Variants in COG6 observed in about 807,000 individuals in gnomAD.
COG6 encodes the protein conserved oligomeric Golgi complex subunit 6.
In COG6, 74 loss-of-function variants were observed where a neutral mutation model predicts 88.8. The observed-to-expected ratio is 0.83, with a 90% CI of 0.69 to 1.01. The LOEUF (loss-of-function observed/expected upper bound fraction) is 1.01, where lower values mean the gene tolerates loss of function less well. Among genes scored for constraint, COG6 ranks in the 50% least tolerant of loss-of-function variants. COG6 has a pLI of 0.00. For synonymous variants in COG6, 286 were observed against 278.7 expected (o/e 1.03, Z -0.26); for missense variants, 800 against 797.9 (o/e 1.00, Z -0.03).
chr13:39,655,953 G>A (rs1874459002), intron 1 of COG6, 74 bp downstream of exon 1: 16 of 1,529,506 alleles, frequency 1.0e-5, no homozygotes, highest in Non-Finnish European at 1.3e-5. Context: ...CGTCTGTCAG[G>A]GACCCACCGC....
intron 4 of COG6, among the ~76,000 whole-genome samples, chr13:39,670,143 T>C (rs748931067): frequency 3.9e-5 from 6 of 152,138 alleles, no homozygotes; most frequent in Non-Finnish European, 8.8e-5. Flanking sequence ...GATGCTCTAA[T>C]AGATAAAGCT....
At chr13:39,750,545 G>C (rs1342880861) in intron 18 of COG6, among the ~76,000 whole-genome samples, 3 of 152,164 alleles carry the variant, frequency 2.0e-5, no homozygotes, top group African/African-American at 7.2e-5. Flanking sequence ...AGATAAAAGT[G>C]TTGATAAATT....
At chr13:39,665,284 A>G (rs1170711119) in intron 4 of COG6, 130 bp downstream of exon 4, 8 of 629,466 alleles carry the variant, frequency 1.3e-5, no homozygotes, top group Non-Finnish European at 2.3e-5. Context: ...CTAAACTATT[A>G]TATTACCCAA....
At chr13:39,763,210 C>T (rs1308107130) in intron 18 of COG6, among the ~76,000 whole-genome samples, 1 of 151,674 alleles carries the variant, frequency 6.6e-6, no homozygotes, top group Admixed American at 6.6e-5. Flanking sequence ...TTAGTAGCAA[C>T]CTTGCTAAAT....
intron 16 of COG6, 39 bp downstream of exon 16, chr13:39,723,479 G>A (rs1394349472): frequency 2.5e-6 from 3 of 1,178,578 alleles, no homozygotes; most frequent in African/African-American, 1.5e-5. Context: ...CTAAGAACAT[G>A]CCAGTTTAGA....
intron 18 of COG6, among the ~76,000 whole-genome samples, chr13:39,736,430 C>T (rs538040788): frequency 3.9e-5 from 6 of 152,292 alleles, no homozygotes; most frequent in East Asian, 1.9e-4. Context: ...CAGTGTCTCA[C>T]GCCTGTAATC....
At chr13:39,686,294 A>T (rs973841098) in intron 8 of COG6, among the ~76,000 whole-genome samples, 2 of 152,316 alleles carry the variant, frequency 1.3e-5, no homozygotes, top group Admixed American at 1.3e-4. Context: ...TATACTTTTA[A>T]AATGGAAAGA....
intron 18 of COG6, among the ~76,000 whole-genome samples, chr13:39,744,670 G>A (rs1418066505): frequency 1.3e-5 from 2 of 152,072 alleles, no homozygotes; most frequent in Admixed American, 1.3e-4. Flanking sequence ...TGTGAAAATG[G>A]CCATACTACC....
At chr13:39,696,619 G>A (rs1449178977) in intron 12 of COG6, among the ~76,000 whole-genome samples, 1 of 151,656 alleles carries the variant, frequency 6.6e-6, no homozygotes, top group African/African-American at 2.4e-5. Context: ...TGAATTGGAA[G>A]GAGTAGGGGG....
At chr13:39,680,673 C>T (rs1253277566) in intron 7 of COG6, among the ~76,000 whole-genome samples, 1 of 152,196 alleles carries the variant, frequency 6.6e-6, no homozygotes, top group Non-Finnish European at 1.5e-5. Context: ...GTCTGTGTTT[C>T]CTTGCTGGCT....
At chr13:39,681,254 A>G (rs191143920) in intron 7 of COG6, among the ~76,000 whole-genome samples, 9 of 152,308 alleles carry the variant, frequency 5.9e-5, no homozygotes, top group Non-Finnish European at 1.0e-4. Context: ...TGGTTGGTTA[A>G]GTCTTTATCT....
In COG6 at chr13:39,655,920, G is replaced by A. The variant is rs1244748025; in HGVS notation, c.153+41G>A. On this transcript the variant is annotated intron_variant, in intron 1 of 18. Coordinates refer to ENST00000455146, the MANE Select transcript of COG6 (RefSeq NM_020751.3). ...GGGGCCGGAGTCACAGGTTCCTGCG[G>A]GGCTGAGCCGGGCCAGGGGCGGCGT... 3.2e-6 allele frequency: 5 copies of A among 1,580,380 alleles called. No homozygotes were observed. In the Middle Eastern group the frequency reaches 6.8e-4, roughly 215 times the overall value.
intron 18 of COG6, among the ~76,000 whole-genome samples, chr13:39,768,025 G>C (rs2138173107): frequency 6.6e-6 from 1 of 152,272 alleles, no homozygotes; most frequent in Non-Finnish European, 1.5e-5. Flanking sequence ...TTAGGAACCA[G>C]GGTCTCTTCT....
chr13:39,765,887 G>C (rs1384089348), intron 18 of COG6, among the ~76,000 whole-genome samples: 1 of 152,172 alleles, frequency 6.6e-6, no homozygotes, highest in Admixed American at 6.5e-5. Context: ...CTCTCTAACC[G>C]AGCACATATT....
Position 39,752,475 on chromosome 13 carries a change from G to A in COG6, c.*1382G>A, listed in dbSNP as rs1386249294. On this transcript the variant is annotated 3_prime_UTR_variant, in exon 19 of 19. Coordinates refer to ENST00000455146, the MANE Select transcript of COG6 (RefSeq NM_020751.3). Reference sequence around the variant, plus strand: ...TTAGTATGTGTTACATATAAAGACAGAAAATAAAGTATAAATCAAGAGCTT... The same window carrying A: ...TTAGTATGTGTTACATATAAAGACAAAAAATAAAGTATAAATCAAGAGCTT... 9.0e-7 allele frequency: 1 copy of A among 1,113,628 alleles called. No individual in the cohort carries two copies. Among genetic ancestry groups the A allele is most frequent in the Non-Finnish European group, 1.2e-6 (1 of 854,388 alleles). 69.0% of individuals were successfully genotyped at this position (1,113,628 alleles called of 1,614,324 possible).
At chr13:39,716,686 G>A (rs1369920469) in intron 13 of COG6, among the ~76,000 whole-genome samples, 3 of 151,980 alleles carry the variant, frequency 2.0e-5, no homozygotes, top group Middle Eastern at 3.2e-3. Flanking sequence ...TATTTCCTGA[G>A]TGGTGCCCTG....
downstream of COG6, among the ~76,000 whole-genome samples, chr13:39,752,853 T>C (rs1466917999): frequency 3.3e-5 from 5 of 152,222 alleles, no homozygotes; most frequent in African/African-American, 1.2e-4. Flanking sequence ...TATTACTCCA[T>C]AGTTTGCATT....
At chr13:39,774,823 T>C (rs747111455) in intron 18 of COG6, among the ~76,000 whole-genome samples, 31 of 152,140 alleles carry the variant, frequency 2.0e-4, no homozygotes, top group Non-Finnish European at 3.8e-4. Context: ...TCTGCCCACC[T>C]CATCCTTCCA....
In COG6 at chr13:39,687,510, T is replaced by C. The variant is rs1876721489; in HGVS notation, c.796T>C (p.Leu266=). The C allele has an allele frequency of 1.9e-6, 3 of 1,612,596 alleles. No individual in the cohort carries two copies. Among genetic ancestry groups the C allele is most frequent in the Admixed American group, 1.7e-5 (1 of 59,966 alleles). Residue 266 remains leucine (L), a synonymous_variant, in exon 9 of 19, where the codon TTA becomes CTA. Transcript: ENST00000455146. ...ATAACTTGTTTCTTCTAGATATACC[T>C]TAGATGAATTTGGAACAGCCAGAAG... ...QDRPVLYKYT[L]DEFGTARRST...
Sources: gnomAD v4.1 joint callset for allele counts (sites outside exome capture counted in the v4.1 genomes callset) on GRCh38, gnomAD v4.1.1 for gene constraint, MANE v1.5 for transcripts, NCBI Gene and HGNC (gene_info 2026-07-23, HGNC 2026-07-21) for gene names.